The following TMEM132C variants were observed in gnomAD, a reference collection of about 807,000 sequenced individuals.
TMEM132C encodes the protein protein phosphatase 1, regulatory subunit 152.
A neutral mutation model predicts 61.4 loss-of-function variants in TMEM132C; 29 were observed. That is an observed-to-expected ratio of 0.47 (90% CI 0.35 to 0.64). The LOEUF (loss-of-function observed/expected upper bound fraction) is 0.64. Ranked by LOEUF, TMEM132C falls within the 30% of genes least tolerant of loss-of-function variation. TMEM132C has a pLI of 0.00. For missense variants in TMEM132C, 1,408 were observed against 1,476.9 expected, an observed-to-expected ratio of 0.95 and a Z score of 0.76; for synonymous variants, 656 against 633.1, an observed-to-expected ratio of 1.04 and a Z score of -0.54.
At chr12:128,431,016 T>C (rs1460365489) in intron 2 of TMEM132C, among the ~76,000 whole-genome samples, 1 of 152,198 alleles carries the variant, frequency 6.6e-6, no homozygotes, top group Non-Finnish European at 1.5e-5. Flanking sequence ...CTAGAAATGA[T>C]GAAGCTTCAT....
chr12:128,546,118 G>A (rs552815561), intron 3 of TMEM132C, among the ~76,000 whole-genome samples: 21 of 152,216 alleles, frequency 1.4e-4, no homozygotes, highest in Admixed American at 5.2e-4. Context: ...AATGCCAACC[G>A]TCACCATCAT....
At chr12:128,665,257 G>A (rs144103527) in intron 4 of TMEM132C, among the ~76,000 whole-genome samples, 11 of 123,760 alleles carry the variant, frequency 8.9e-5, no homozygotes, top group East Asian at 2.4e-4. Flanking sequence ...ATAGGCACTC[G>A]CACATACACA....
chr12:128,282,024 G>T (rs1870915197), intron 1 of TMEM132C, among the ~76,000 whole-genome samples: 1 of 152,176 alleles, frequency 6.6e-6, no homozygotes, highest in African/African-American at 2.4e-5. Context: ...CATACATAGT[G>T]GAAAATGGCT....
chr12:128,486,917 AC>A (rs1203420665), intron 2 of TMEM132C, among the ~76,000 whole-genome samples: 1 of 116,878 alleles, frequency 8.6e-6, no homozygotes, highest in African/African-American at 3.2e-5. Flanking sequence ...ACACACACAC[AC>A]ACAGCTCAGC....
chr12:128,352,021 C>T (rs909764647), intron 1 of TMEM132C, among the ~76,000 whole-genome samples: 1 of 152,080 alleles, frequency 6.6e-6, no homozygotes, highest in Non-Finnish European at 1.5e-5. Flanking sequence ...GGCTGTCAGG[C>T]AGGAAAAATG....
chr12:128,340,803 C>CT (rs1370624726), intron 1 of TMEM132C, among the ~76,000 whole-genome samples: 1 of 141,956 alleles, frequency 7.0e-6, no homozygotes, highest in Non-Finnish European at 1.5e-5. Flanking sequence ...CTCTCTCTTT[C>CT]TTTCTTTCTC....
At chr12:128,675,395 G>C (rs34085403) in intron 5 of TMEM132C, among the ~76,000 whole-genome samples, 34,877 of 152,174 alleles carry the variant, frequency 0.23, 4,228 homozygotes, top group South Asian at 0.36. Flanking sequence ...CACGCAACTT[G>C]TACATGGCAG....
At chr12:128,597,566 A>AT in intron 3 of TMEM132C, among the ~76,000 whole-genome samples, 1 of 152,182 alleles carries the variant, frequency 6.6e-6, no homozygotes, top group African/African-American at 2.4e-5. Flanking sequence ...ACAAAGGAAC[A>AT]TAGATTCATT....
intron 1 of TMEM132C, among the ~76,000 whole-genome samples, chr12:128,307,260 C>G (rs1246379757): frequency 6.6e-6 from 1 of 152,058 alleles, no homozygotes; most frequent in South Asian, 2.1e-4. Flanking sequence ...CTTCTTCTGT[C>G]CCCAAAGTGG....
chr12:128,499,563 C>T (rs763718303), intron 2 of TMEM132C, among the ~76,000 whole-genome samples: 11 of 152,156 alleles, frequency 7.2e-5, no homozygotes, highest in Non-Finnish European at 1.3e-4. Flanking sequence ...CCTTCTTAGC[C>T]TCTGACAACC....
At chr12:128,358,181 G>A (rs972445411) in intron 1 of TMEM132C, among the ~76,000 whole-genome samples, 3 of 152,134 alleles carry the variant, frequency 2.0e-5, no homozygotes, top group Non-Finnish European at 2.9e-5. Context: ...CACAGGGAGT[G>A]GAGAAGGGAA....
chr12:128,510,442 T>C (rs1035794533), intron 2 of TMEM132C, among the ~76,000 whole-genome samples: 1 of 152,134 alleles, frequency 6.6e-6, no homozygotes, highest in African/African-American at 2.4e-5. Context: ...AACAACAAGG[T>C]TTGCTTGTCT....
In TMEM132C at chr12:128,623,671, G is replaced by A. The variant is rs373687741; in HGVS notation, c.1305+7336G>A. Among the ~76,000 whole-genome samples the A allele has an allele frequency of 2.0e-3, 309 of 152,104 alleles. 4 individuals are homozygous for A. Among genetic ancestry groups the A allele is most frequent in the African/African-American group, 6.8e-3 (283 of 41,522 alleles). Reference sequence around the variant, plus strand: ...AAAATACAAAAAATCAGCCGGGCGTGATGGCAGGCACCTGTAATCTCAGCT... The same window carrying A: ...AAAATACAAAAAATCAGCCGGGCGTAATGGCAGGCACCTGTAATCTCAGCT... On this transcript the variant is annotated intron_variant, in intron 4 of 8. Transcript: ENST00000435159.
chr12:128,469,637 T>C (rs1204773164), intron 2 of TMEM132C, among the ~76,000 whole-genome samples: 1 of 150,016 alleles, frequency 6.7e-6, no homozygotes, highest in Non-Finnish European at 1.5e-5. Flanking sequence ...TGTGTGTGTG[T>C]GTTTGTGTGT....
At chr12:128,444,931 G>A (rs1221326958) in intron 2 of TMEM132C, among the ~76,000 whole-genome samples, 3 of 152,132 alleles carry the variant, frequency 2.0e-5, no homozygotes, top group East Asian at 1.9e-4. Flanking sequence ...GGAGATAGGC[G>A]AGACTAAAAG....
intron 1 of TMEM132C, among the ~76,000 whole-genome samples, chr12:128,268,019 C>G (rs1870372316): frequency 6.6e-6 from 1 of 152,216 alleles, no homozygotes; most frequent in South Asian, 2.1e-4. Context: ...TGTGCGGGCC[C>G]TAGAGGAACG....
intron 1 of TMEM132C, among the ~76,000 whole-genome samples, chr12:128,353,662 T>A (rs1386422705): frequency 2.0e-5 from 3 of 152,284 alleles, no homozygotes; most frequent in African/African-American, 7.2e-5. Flanking sequence ...TTTCCCACAT[T>A]GGCAGAGAGC....
chr12:128,366,151 C>T (rs1018736735), intron 1 of TMEM132C, among the ~76,000 whole-genome samples: 4 of 152,182 alleles, frequency 2.6e-5, no homozygotes, highest in Admixed American at 6.5e-5. Context: ...AGCCCAGGGC[C>T]GGGAAGGGAG....
At chr12:128,436,273 G>A (rs890594713) in intron 2 of TMEM132C, among the ~76,000 whole-genome samples, 6 of 152,018 alleles carry the variant, frequency 3.9e-5, no homozygotes, top group African/African-American at 1.4e-4. Context: ...CAAGAGCAAT[G>A]GCAACAAAAG....
Sources: gnomAD v4.1 joint callset for allele counts (sites outside exome capture counted in the v4.1 genomes callset) on GRCh38, gnomAD v4.1.1 for gene constraint, MANE v1.5 for transcripts, NCBI Gene and HGNC (gene_info 2026-07-23, HGNC 2026-07-21) for gene names.